The following MYO9B variants were observed in gnomAD, a reference collection of about 807,000 sequenced individuals.
MYO9B encodes myosin IXB, also known as unconventional myosin-IXb.
Under a neutral mutation model 229.5 loss-of-function variants are expected in MYO9B, and 71 were observed. The ratio of observed to expected loss-of-function variants is 0.31; its 90% CI spans 0.26 to 0.38. The LOEUF (loss-of-function observed/expected upper bound fraction) is 0.38. Ranked by LOEUF, MYO9B falls within the 10% of genes least tolerant of loss-of-function variation. The probability of loss-of-function intolerance (pLI) is 1.00; values close to 1 mark genes in which losing one functional copy is unlikely to be tolerated. For synonymous variants in MYO9B, 1,185 were observed against 1,235.8 expected (o/e 0.96, Z 0.86); for missense variants, 2,255 against 2,920.5 (o/e 0.77, Z 5.25).
At chr19:17,164,019 T>C (rs2072633239) in intron 10 of MYO9B, among the ~76,000 whole-genome samples, 1 of 152,200 alleles carries the variant, frequency 6.6e-6, no homozygotes, top group Non-Finnish European at 1.5e-5. Flanking sequence ...CTGGATCGTA[T>C]GGTAATTCTG....
chr19:17,163,296 C>A (rs1411847706), intron 10 of MYO9B, among the ~76,000 whole-genome samples, 174 bp downstream of exon 10: 3 of 151,418 alleles, frequency 2.0e-5, no homozygotes, highest in Non-Finnish European at 2.9e-5. Flanking sequence ...TTCATTTTGC[C>A]AAACTGAGAC....
intron 1 of MYO9B, among the ~76,000 whole-genome samples, chr19:17,084,709 CA>C (rs903470342): frequency 0.13 from 10,648 of 81,142 alleles, 363 homozygotes; most frequent in South Asian, 0.17. Flanking sequence ...ACTAAAAATA[CA>C]AAAAAAAAAA....
intron 1 of MYO9B, among the ~76,000 whole-genome samples, chr19:17,086,919 C>T (rs545437531): frequency 6.7e-6 from 1 of 149,446 alleles, no homozygotes; most frequent in East Asian, 1.9e-4. Flanking sequence ...AGATGTCTGT[C>T]CCAGCAGGGA....
intron 13 of MYO9B, among the ~76,000 whole-genome samples, chr19:17,175,218 G>T (rs762503417): frequency 6.6e-6 from 1 of 151,026 alleles, no homozygotes; most frequent in South Asian, 2.1e-4. Context: ...GGTTACACGA[G>T]CTGTGATCGC....
chr19:17,160,350 G>A (rs1599380161), intron 8 of MYO9B, among the ~76,000 whole-genome samples: 1 of 152,210 alleles, frequency 6.6e-6, no homozygotes. Context: ...TGCATTCTGT[G>A]TGGCTCCATT....
Position 17,198,211 on chromosome 19 carries a change from C to T in MYO9B, c.4141C>T (p.Arg1381Ter). The change falls in exon 24 of 40, where the codon CGA becomes TGA. Residue 1381 changes from arginine to a stop codon, truncating the protein, a stop_gained. Transcript: ENST00000682292. LOFTEE classifies it high-confidence loss of function. ...QPAAETTDGE[R>*]SAKKPAVQKK... ...TGCAGCAGAAACCACGGACGGAGAG[C>T]GAAGTGCGAAAAAGCCAGCTGTCCA... 1.9e-6 allele frequency: 3 copies of T among 1,613,862 alleles called. No homozygotes were observed. Among genetic ancestry groups the T allele is most frequent in the Non-Finnish European group, 2.5e-6 (3 of 1,179,878 alleles).
intron 35 of MYO9B, 145 bp from the exon 36 acceptor site, chr19:17,209,440 TG>T: frequency 1.3e-6 from 1 of 778,368 alleles, no homozygotes; most frequent in Non-Finnish European, 2.0e-6. Flanking sequence ...TCACACTGCA[TG>T]GGAGCTGGCA....
At chr19:17,163,656 C>T (rs903308623) in intron 10 of MYO9B, among the ~76,000 whole-genome samples, 2 of 152,184 alleles carry the variant, frequency 1.3e-5, no homozygotes, top group Admixed American at 1.3e-4. Context: ...GTGTAAGCCA[C>T]CATGCCTGGC....
rs1264045802 is a variant in MYO9B at position 17,191,169 on chromosome 19, C to A, written c.2761C>A (p.Leu921Met). The change falls in exon 20 of 40, where the codon CTG (leucine) becomes ATG (methionine). Residue 921 changes from leucine (L) to methionine (M), a missense_variant. Transcript: ENST00000682292. Reference sequence around the variant, plus strand: ...CTGCAGGGAGGTCATCTCCACCCTCCTGGAGAAAATGAAGATAGACAAGAG... The same window carrying A: ...CTGCAGGGAGGTCATCTCCACCCTCATGGAGAAAATGAAGATAGACAAGAG... ...QPCREVISTL[L>M]EKMKIDKRNY... 1 of 1,612,548 alleles carries A rather than the reference C, an allele frequency of 6.2e-7. No homozygotes were observed. Among genetic ancestry groups the A allele is most frequent in the East Asian group, 2.2e-5 (1 of 44,868 alleles).
chr19:17,162,465 CG>C lies in MYO9B; in HGVS notation c.1536+1del. 1.3e-6 allele frequency: 2 copies of C among 1,558,594 alleles called. No individual in the cohort carries two copies. The highest frequency in any genetic ancestry group is 1.7e-6 in the Non-Finnish European group (2 of 1,152,888). On this transcript the variant is annotated frameshift_variant and splice_region_variant, in exon 9 of 40. Coordinates refer to ENST00000682292, the MANE Select transcript of MYO9B (RefSeq NM_004145.4). LOFTEE classifies it high-confidence loss of function. ...LNKKDVEEAV[S>X]CLSIGVLDIF... ...AAGAAGGACGTGGAAGAGGCAGTCT[CG>C]GTGAGTGCCCCCATTTGCTTCCTCA...
chr19:17,189,789 C>T (rs1031152383), intron 19 of MYO9B, among the ~76,000 whole-genome samples: 6 of 151,880 alleles, frequency 4.0e-5, no homozygotes, highest in South Asian at 2.1e-4. Flanking sequence ...GTTGGCTGGG[C>T]GCAGTGGCTC....
intron 1 of MYO9B, among the ~76,000 whole-genome samples, chr19:17,100,335 T>A (rs898599329): frequency 6.6e-6 from 1 of 151,296 alleles, no homozygotes; most frequent in African/African-American, 2.4e-5. Context: ...TAGCCGGGTG[T>A]GGTGGCGCAT....
intron 2 of MYO9B, among the ~76,000 whole-genome samples, chr19:17,131,066 A>T (rs2072190069): frequency 1.3e-5 from 2 of 152,080 alleles, no homozygotes; most frequent in Admixed American, 1.3e-4. Context: ...GAATCCTGTT[A>T]GGTCGGTTTA....
chr19:17,153,358 C>T (rs895337028), intron 4 of MYO9B, among the ~76,000 whole-genome samples: 23 of 148,920 alleles, frequency 1.5e-4, no homozygotes, highest in Non-Finnish European at 3.0e-4. Context: ...TGCACCACCA[C>T]GCCCGGCTAG....
At chr19:17,209,800 A>G in intron 36 of MYO9B, 91 bp downstream of exon 36, 8 of 989,914 alleles carry the variant, frequency 8.1e-6, no homozygotes, top group South Asian at 6.6e-5. Flanking sequence ...GTTGCTGGGA[A>G]GGCTGGTGAG....
At chr19:17,161,613 C>A (rs564246628) in intron 8 of MYO9B, among the ~76,000 whole-genome samples, 2 of 151,628 alleles carry the variant, frequency 1.3e-5, no homozygotes, top group African/African-American at 4.8e-5. Flanking sequence ...GCCATGAGTT[C>A]GAGACCAGCC....
At chr19:17,143,490 A>G (rs1034964821) in intron 2 of MYO9B, among the ~76,000 whole-genome samples, 2 of 152,174 alleles carry the variant, frequency 1.3e-5, no homozygotes, top group South Asian at 2.1e-4. Context: ...TTAGCAAACT[A>G]ACACAGGAAC....
rs1190757313 is a variant in MYO9B at position 17,193,398 on chromosome 19, T to A, written c.3128+336T>A. Among the ~76,000 whole-genome samples the A allele has an allele frequency of 6.6e-6, 1 of 152,102 alleles. No individual in the cohort carries two copies. Among genetic ancestry groups the A allele is most frequent in the Non-Finnish European group, 1.5e-5 (1 of 68,016 alleles). ...GACCAGCCCAACACTCACATGGAGC[T>A]GGGGCATCCACCGGGCACAGAGAAG... On this transcript the variant is annotated intron_variant, in intron 21 of 39. Coordinates refer to ENST00000682292, the MANE Select transcript of MYO9B (RefSeq NM_004145.4). This position sits in a 1 kb window ranked among gnomAD's most constrained non-coding sequence, Gnocchi z 4.3.
At chr19:17,125,962 G>A (rs1351500506) in intron 2 of MYO9B, among the ~76,000 whole-genome samples, 1 of 152,160 alleles carries the variant, frequency 6.6e-6, no homozygotes, top group Non-Finnish European at 1.5e-5. Flanking sequence ...TGCCTCCTGT[G>A]CAGGCTTGGG....
Sources: allele counts gnomAD v4.1 joint callset (sites outside exome capture counted in the v4.1 genomes callset), GRCh38; gene constraint gnomAD v4.1.1; non-coding constraint Gnocchi (gnomAD v3.1); transcripts MANE v1.5; gene names NCBI Gene and HGNC (gene_info 2026-07-23, HGNC 2026-07-21).